Variants in TM6SF1 observed in about 807,000 individuals in gnomAD.
TM6SF1 encodes transmembrane 6 superfamily member 1.
In TM6SF1, 43 loss-of-function variants were observed where a neutral mutation model predicts 47.1. The observed-to-expected ratio is 0.91, with a 90% CI of 0.72 to 1.18. TM6SF1 has a LOEUF of 1.18. Ranked by LOEUF, TM6SF1 falls within the 50% of genes most tolerant of loss-of-function variation. The pLI is 0.00. For synonymous variants in TM6SF1, 177 were observed against 166.3 expected (o/e 1.06, Z -0.49); for missense variants, 390 against 449.0 (o/e 0.87, Z 1.19).
At chr15:83,117,367 G>A (rs1794075366) in intron 3 of TM6SF1, among the ~76,000 whole-genome samples, 1 of 152,152 alleles carries the variant, frequency 6.6e-6, no homozygotes, top group Non-Finnish European at 1.5e-5. Context: ...GAGAGTCACG[G>A]GCCATCGGAG....
In TM6SF1 at chr15:83,107,715, T is replaced by C; in HGVS notation, c.35T>C (p.Leu12Pro). 6.3e-7 allele frequency: 1 copy of C among 1,574,848 alleles called. No homozygotes were observed. The highest frequency in any genetic ancestry group is 8.6e-7 in the Non-Finnish European group (1 of 1,162,810). ...TCTGCGGCCACCGGGGTCTTCGTGCTGTCCCTCTCGGCCATCCCGGTCACC... is the reference window on the plus strand; with the variant it reads ...TCTGCGGCCACCGGGGTCTTCGTGCCGTCCCTCTCGGCCATCCCGGTCACC... ...SASAATGVFV[L>P]SLSAIPVTYV... Residue 12 changes from leucine (L) to proline (P), a missense_variant, in exon 1 of 10, where the codon CTG (leucine) becomes CCG (proline). Leu to Pro is a moderately conservative substitution (Grantham distance 98, BLOSUM62 -3). Coordinates refer to ENST00000322019, the MANE Select transcript of TM6SF1 (RefSeq NM_023003.5). This position sits in a 1 kb window ranked among gnomAD's most constrained non-coding sequence, Gnocchi z 5.6.
chr15:83,121,379 G>T (rs1462158007), intron 4 of TM6SF1, among the ~76,000 whole-genome samples: 3 of 152,134 alleles, frequency 2.0e-5, no homozygotes, highest in Non-Finnish European at 2.9e-5. Context: ...ACCATGCTCG[G>T]CCTGAAGGAA....
intron 4 of TM6SF1, 26 bp from the exon 5 acceptor site, chr15:83,121,895 A>G: frequency 6.4e-7 from 1 of 1,562,268 alleles, no homozygotes; most frequent in Non-Finnish European, 8.7e-7. Context: ...TACCAAGTCA[A>G]GATTTTTTTG....
chr15:83,108,274 G>A (rs1699113323), intron 1 of TM6SF1, among the ~76,000 whole-genome samples: 1 of 152,212 alleles, frequency 6.6e-6, no homozygotes, highest in South Asian at 2.1e-4. Context: ...AGAGACGTGG[G>A]TTCTAGGCCT....
Position 83,122,738 on chromosome 15 carries a change from C to G in TM6SF1, c.482-19C>G, listed in dbSNP as rs747407319. ...GATATGCTTTTGGTAACTTCTTTCT[C>G]TTTCTCTCTTTTAAATAGGGAAGTA... On this transcript the variant is annotated intron_variant, in intron 5 of 9. Transcript: ENST00000322019. The G allele has an allele frequency of 6.2e-7, 1 of 1,610,346 alleles. No individual in the cohort carries two copies. The highest frequency in any genetic ancestry group is 2.2e-5 in the East Asian group (1 of 44,826).
intron 1 of TM6SF1, among the ~76,000 whole-genome samples, chr15:83,108,125 G>C (rs2033832952): frequency 6.6e-6 from 1 of 152,212 alleles, no homozygotes; most frequent in African/African-American, 2.4e-5. Context: ...GAACCTGGCC[G>C]TGTCAGCTCG....
intron 1 of TM6SF1, chr15:83,111,817 T>C (rs2034210375): frequency 6.2e-6 from 2 of 323,550 alleles, no homozygotes; most frequent in South Asian, 1.2e-4. Context: ...TCAGAGTCCA[T>C]TGAGATAGGT....
intron 3 of TM6SF1, among the ~76,000 whole-genome samples, chr15:83,118,230 TACACACACACACACACAC>T (rs72160704): frequency 6.8e-6 from 1 of 146,238 alleles, no homozygotes; most frequent in Non-Finnish European, 1.5e-5. Flanking sequence ...TCTCTGTACG[TACACACACACACACACAC>T]ACACACACAC....
In TM6SF1 at chr15:83,107,839, C is replaced by G; in HGVS notation, c.92+67C>G. 6.6e-7 allele frequency: 1 copy of G among 1,509,408 alleles called. No homozygotes were observed. Among genetic ancestry groups the G allele is most frequent in the Non-Finnish European group, 8.9e-7 (1 of 1,128,490 alleles). The allele number at this position is 1,509,408 out of a possible 1,614,324, so 93.5% of individuals were successfully genotyped here. On this transcript the variant is annotated intron_variant, in intron 1 of 9. Transcript: ENST00000322019. The surrounding 1 kb of genome is among the most constrained non-coding windows in gnomAD (Gnocchi z 5.6). ...GGGAGTTGGCTCGCCGCGACGGGAG[C>G]CTCGCAACTTTTCCGAGGGGGCTGG...
intron 3 of TM6SF1, among the ~76,000 whole-genome samples, chr15:83,118,226 T>C (rs1272355643): frequency 1.4e-5 from 2 of 143,526 alleles, no homozygotes; most frequent in South Asian, 2.2e-4. Context: ...CCTGTCTCTG[T>C]ACGTACACAC....
chr15:83,111,727 T>C (rs2034202001), intron 1 of TM6SF1: 2 of 975,740 alleles, frequency 2.0e-6, no homozygotes, highest in Admixed American at 6.2e-5. Flanking sequence ...TTGTCTAGAA[T>C]TGGAAGCCCT....
Position 83,136,512 on chromosome 15 carries a change from A to C in TM6SF1, c.953A>C (p.His318Pro). 1.3e-6 allele frequency: 2 copies of C among 1,594,260 alleles called. No homozygotes were observed. The highest frequency in any genetic ancestry group is 1.7e-6 in the Non-Finnish European group (2 of 1,175,060). ...TTTTCTCACATTGGTGCATCTCTTC[A>C]TGCTAGAACTGCTTATGTCTACAGA... is the stretch of plus-strand genomic sequence containing the variant. ...AQFSHIGASLHARTAYVYRVP... is the reference protein window; with the variant it reads ...AQFSHIGASLPARTAYVYRVP... The change falls in exon 10 of 10, where the codon CAT (histidine) becomes CCT (proline). Residue 318 changes from histidine (H) to proline (P), a missense_variant. Transcript: ENST00000322019.
chr15:83,118,104 G>A (rs1398937331), intron 3 of TM6SF1, among the ~76,000 whole-genome samples: 1 of 152,196 alleles, frequency 6.6e-6, no homozygotes, highest in African/African-American at 2.4e-5. Flanking sequence ...GCTCATGCCT[G>A]TAATCTCAGT....
intron 2 of TM6SF1, chr15:83,114,479 G>A (rs1224820586): frequency 6.6e-6 from 1 of 152,328 alleles, no homozygotes; most frequent in African/African-American, 2.4e-5. Flanking sequence ...TCTGGAAAAT[G>A]AGTATCAGGA....
rs774641994 is a variant in TM6SF1, at chr15:83,122,868, A to G, written c.593A>G (p.Tyr198Cys). 6.2e-7 allele frequency: 1 copy of G among 1,613,900 alleles called. No individual in the cohort carries two copies. Among genetic ancestry groups the G allele is most frequent in the Non-Finnish European group, 8.5e-7 (1 of 1,179,952 alleles). Reference sequence around the variant, plus strand: ...AATCAGCCATCAGAAAATTATAATTACCCCTCAAAGGTGATTTTATTAAGC... The same window carrying G: ...AATCAGCCATCAGAAAATTATAATTGCCCCTCAAAGGTGATTTTATTAAGC... ...IYNQPSENYN[Y>C]PSKVIQEAQA... Residue 198 changes from tyrosine to cysteine, a missense_variant, in exon 6 of 10, where the codon TAC (tyrosine) becomes TGC (cysteine). Tyr to Cys is a radical substitution (Grantham distance 194). Coordinates refer to ENST00000322019, the MANE Select transcript of TM6SF1 (RefSeq NM_023003.5).
chr15:83,111,426 T>A (rs1424384200), intron 1 of TM6SF1, among the ~76,000 whole-genome samples: 1 of 151,938 alleles, frequency 6.6e-6, no homozygotes, highest in Non-Finnish European at 1.5e-5. Context: ...CATTCATCCA[T>A]CATCTATCCA....
chr15:83,127,350 C>A lies in TM6SF1; in HGVS notation c.802-8C>A. On this transcript the variant is annotated splice_polypyrimidine_tract_variant and splice_region_variant and intron_variant, in intron 8 of 9. Transcript: ENST00000322019. ...TTGCTGATGATGTTATTTCTCTGTTCAATACAGATGCTGGCATATATGTTC... is the reference window on the plus strand; with the variant it reads ...TTGCTGATGATGTTATTTCTCTGTTAAATACAGATGCTGGCATATATGTTC... 1.2e-6 allele frequency: 2 copies of A among 1,607,492 alleles called. No individual in the cohort carries two copies. The highest frequency in any genetic ancestry group is 1.7e-6 in the Non-Finnish European group (2 of 1,177,552).
chr15:83,107,810 C>G lies in TM6SF1; in HGVS notation c.92+38C>G. 1 of 1,552,344 alleles carries G rather than the reference C, an allele frequency of 6.4e-7. No individual in the cohort carries two copies. Among genetic ancestry groups the G allele is most frequent in the African/African-American group, 1.4e-5 (1 of 70,518 alleles). On this transcript the variant is annotated intron_variant, in intron 1 of 9. Transcript: ENST00000322019. This position sits in a 1 kb window ranked among gnomAD's most constrained non-coding sequence, Gnocchi z 5.6. ...GCGCGGCGGGGGTCGCGCCGAGGGG[C>G]GGCGGGAGTTGGCTCGCCGCGACGG...
rs763017233 is a variant in TM6SF1, at chr15:83,107,774, T to A, written c.92+2T>A. The A allele has an allele frequency of 6.3e-7, 1 of 1,576,700 alleles. No individual in the cohort carries two copies. Among genetic ancestry groups the A allele is most frequent in the Non-Finnish European group, 8.6e-7 (1 of 1,163,060 alleles). On this transcript the variant is annotated splice_donor_variant, in intron 1 of 9. Transcript: ENST00000322019. LOFTEE classifies it high-confidence loss of function. The surrounding 1 kb of genome is among the most constrained non-coding windows in gnomAD (Gnocchi z 5.6). Reference sequence around the variant, plus strand: ...CAACCACCTGGCGGCCCAGCATGAGTGAGTGAGCCGGCGCGGCGGGGGTCG... The same window carrying A: ...CAACCACCTGGCGGCCCAGCATGAGAGAGTGAGCCGGCGCGGCGGGGGTCG...
Sources: gnomAD v4.1 joint callset for allele counts (sites outside exome capture counted in the v4.1 genomes callset) on GRCh38, gnomAD v4.1.1 for gene constraint, Gnocchi (gnomAD v3.1) non-coding constraint, MANE v1.5 for transcripts, NCBI Gene and HGNC (gene_info 2026-07-23, HGNC 2026-07-21) for gene names.